Variants in TENM2 observed in about 807,000 individuals in gnomAD.
TENM2 encodes the protein teneurin transmembrane protein 2.
Under a neutral mutation model 245.2 loss-of-function variants are expected in TENM2, and 52 were observed. The observed-to-expected ratio is 0.21, with a 90% confidence interval of 0.17 to 0.27. The LOEUF is 0.27. Among genes scored for constraint, TENM2 ranks in the 10% least tolerant of loss-of-function variants. The probability of loss-of-function intolerance (pLI) is 1.00; values close to 1 mark genes in which losing one functional copy is unlikely to be tolerated. For synonymous variants in TENM2, 1,363 were observed against 1,438.9 expected (o/e 0.95, Z 1.19); for missense variants, 3,046 against 3,666.8 (o/e 0.83, Z 4.37).
chr5:167,736,802 G>C lies in TENM2; in HGVS notation c.503-139184G>C, dbSNP rs112792405. ...CCCCGGTGGGAACTTGAGAAGTCTT[G>C]TTCCTATCTGAAGACCCATAGGCTG... On this transcript the variant is annotated intron_variant, in intron 2 of 28. Coordinates refer to ENST00000518659, the Ensembl canonical transcript of TENM2. Among the ~76,000 whole-genome samples the C allele has an allele frequency of 5.3e-5, 8 of 152,082 alleles. No homozygotes were observed. The South Asian group carries it at 1.7e-3, about 32-fold the overall frequency.
the TENM2 span, among the ~76,000 whole-genome samples, chr5:167,223,510 A>G: frequency 3.9e-5 from 6 of 152,198 alleles, no homozygotes; most frequent in East Asian, 7.7e-4. Flanking sequence ...GTTGCTGCAA[A>G]TGGCATGATT....
intron 23 of TENM2, among the ~76,000 whole-genome samples, chr5:168,223,922 T>G (rs1763904568): frequency 9.2e-6 from 1 of 109,090 alleles, no homozygotes; most frequent in Non-Finnish European, 2.1e-5. Context: ...TACCCCTCCC[T>G]GAAAAAAAAA....
the TENM2 span, among the ~76,000 whole-genome samples, chr5:167,110,305 A>G: frequency 3.9e-5 from 6 of 152,176 alleles, no homozygotes; most frequent in African/African-American, 1.4e-4. Flanking sequence ...GGGGATGACA[A>G]TGTACAAGGG....
chr5:168,154,164 A>AAAAAAAAAC (rs1171979738), intron 12 of TENM2, among the ~76,000 whole-genome samples: 3 of 150,756 alleles, frequency 2.0e-5, no homozygotes, highest in Middle Eastern at 3.4e-3. Context: ...AAAAAAAAAA[A>AAAAAAAAAC]AACAGTAAGA....
chr5:167,614,166 T>C (rs1033136824), intron 2 of TENM2, among the ~76,000 whole-genome samples: 5 of 152,160 alleles, frequency 3.3e-5, no homozygotes, highest in African/African-American at 7.2e-5. Flanking sequence ...CCTGAGGGTA[T>C]GCCAATCTTC....
chr5:167,080,081 C>T, the TENM2 span, among the ~76,000 whole-genome samples: 1 of 152,154 alleles, frequency 6.6e-6, no homozygotes, highest in Non-Finnish European at 1.5e-5. Context: ...GTAAATGTTG[C>T]GTATCTTCCT....
At chr5:167,035,829 G>A in the TENM2 span, among the ~76,000 whole-genome samples, 8 of 152,260 alleles carry the variant, frequency 5.3e-5, 1 homozygote, top group East Asian at 3.9e-4. Flanking sequence ...AACCTCTGCC[G>A]CCTCCCGGGT....
intron 2 of TENM2, among the ~76,000 whole-genome samples, chr5:167,394,976 G>C (rs10214225): frequency 1.1e-3 from 164 of 152,232 alleles, no homozygotes; most frequent in African/African-American, 3.7e-3. Context: ...TTTGAACCAA[G>C]ATTATGGTTC....
chr5:167,063,275 T>A, the TENM2 span, among the ~76,000 whole-genome samples: 1,156 of 152,264 alleles, frequency 7.6e-3, 8 homozygotes, highest in African/African-American at 0.026. Context: ...AAATATTTTC[T>A]TTTTAAAAGA....
chr5:168,236,776 T>C (rs1032536864), intron 25 of TENM2, among the ~76,000 whole-genome samples: 2 of 150,030 alleles, frequency 1.3e-5, no homozygotes, highest in African/African-American at 4.9e-5. Flanking sequence ...AAATATTGAA[T>C]GAAAGAATGA....
chr5:167,171,320 C>T, the TENM2 span, among the ~76,000 whole-genome samples: 2 of 152,180 alleles, frequency 1.3e-5, no homozygotes, highest in African/African-American at 4.8e-5. Context: ...CCTTGAGTTG[C>T]CATTTTATCA....
chr5:167,131,819 G>GTTTGT, the TENM2 span, among the ~76,000 whole-genome samples: 1 of 151,984 alleles, frequency 6.6e-6, no homozygotes, highest in African/African-American at 2.4e-5. Flanking sequence ...TTGTTTGTTT[G>GTTTGT]TTTGTTTTGT....
chr5:167,531,509 ACT>A (rs1365991003), intron 2 of TENM2, among the ~76,000 whole-genome samples: 1 of 151,356 alleles, frequency 6.6e-6, no homozygotes, highest in Non-Finnish European at 1.5e-5. Flanking sequence ...CATTTAAGAT[ACT>A]CTCTCAGTAA....
chr5:167,226,332 T>A, the TENM2 span, among the ~76,000 whole-genome samples: 1 of 151,974 alleles, frequency 6.6e-6, no homozygotes, highest in Non-Finnish European at 1.5e-5. Flanking sequence ...CCACAGATTT[T>A]GGTATGGTAT....
intron 2 of TENM2, among the ~76,000 whole-genome samples, chr5:167,674,206 G>T (rs1031676219): frequency 2.0e-5 from 3 of 152,058 alleles, no homozygotes; most frequent in Admixed American, 2.0e-4. Context: ...ACCTTCTTGC[G>T]TGCAGTTTAG....
chr5:167,728,289 G>T (rs916115690), intron 2 of TENM2, among the ~76,000 whole-genome samples: 2 of 151,942 alleles, frequency 1.3e-5, no homozygotes, highest in Non-Finnish European at 2.9e-5. Context: ...ACAAGTATTA[G>T]ATAAGTCTCC....
chr5:168,243,911 C>A (rs987651626), intron 25 of TENM2, among the ~76,000 whole-genome samples: 12 of 150,188 alleles, frequency 8.0e-5, no homozygotes, highest in Admixed American at 2.0e-4. Flanking sequence ...TTGCACCATA[C>A]AAATACTACC....
At chr5:167,771,130 G>A (rs1289948728) in intron 2 of TENM2, among the ~76,000 whole-genome samples, 2 of 151,774 alleles carry the variant, frequency 1.3e-5, no homozygotes, top group African/African-American at 2.4e-5. Flanking sequence ...TACTTCAATC[G>A]GTCACTCTCT....
intron 2 of TENM2, among the ~76,000 whole-genome samples, chr5:167,567,671 T>A (rs1773993766): frequency 6.6e-6 from 1 of 152,094 alleles, no homozygotes; most frequent in Admixed American, 6.5e-5. Flanking sequence ...ACTTGAACAC[T>A]GGTTGATGCG....
Sources: gnomAD v4.1 joint callset for allele counts (sites outside exome capture counted in the v4.1 genomes callset) on GRCh38, gnomAD v4.1.1 for gene constraint, MANE v1.5 for transcripts, NCBI Gene and HGNC (gene_info 2026-07-23, HGNC 2026-07-21) for gene names.